MOXD1: variants seen among roughly 807,000 people sequenced by gnomAD.
The protein encoded by MOXD1 is DBH-like monooxygenase protein 1.
Under a neutral mutation model 66.6 loss-of-function variants are expected in MOXD1, and 62 were observed. That is an observed-to-expected ratio of 0.93 (90% CI 0.76 to 1.15). The LOEUF (loss-of-function observed/expected upper bound fraction) is 1.15. Among genes scored for constraint, MOXD1 ranks in the 50% most tolerant of loss-of-function variants. The probability of loss-of-function intolerance (pLI) is 0.00; values close to 1 mark genes in which losing one functional copy is unlikely to be tolerated. For synonymous variants in MOXD1, 303 were observed against 281.9 expected (o/e 1.07, Z -0.75); for missense variants, 847 against 754.6 (o/e 1.12, Z -1.44).
At chr6:132,315,949 A>C (rs1774941150) in intron 9 of MOXD1, among the ~76,000 whole-genome samples, 172 bp from the exon 10 acceptor site, 1 of 152,184 alleles carries the variant, frequency 6.6e-6, no homozygotes, top group Admixed American at 6.5e-5. Flanking sequence ...ATTAAAAATT[A>C]ATAGAATTAT....
At chr6:132,392,614 A>T (rs1366679345) in intron 1 of MOXD1, among the ~76,000 whole-genome samples, 1 of 152,192 alleles carries the variant, frequency 6.6e-6, no homozygotes, top group East Asian at 1.9e-4. Flanking sequence ...GGTTTTGAAA[A>T]GCCAGTGCAA....
chr6:132,342,350 A>G (rs1775581970), intron 4 of MOXD1, among the ~76,000 whole-genome samples: 1 of 152,258 alleles, frequency 6.6e-6, no homozygotes, highest in Non-Finnish European at 1.5e-5. Flanking sequence ...TGTGTCTAGC[A>G]CATAATTTGT....
At chr6:132,401,068 C>G (rs1582618534) in intron 1 of MOXD1, 95 bp downstream of exon 1, 1 of 1,343,252 alleles carries the variant, frequency 7.4e-7, no homozygotes, top group East Asian at 3.0e-5. Flanking sequence ...TGAGAGAGAG[C>G]TGCGGGCCCC....
intron 1 of MOXD1, among the ~76,000 whole-genome samples, chr6:132,378,827 A>T (rs1776447411): frequency 6.8e-6 from 1 of 146,586 alleles, no homozygotes; most frequent in South Asian, 2.2e-4. Flanking sequence ...GGTAATACCA[A>T]CTGTTCACAA....
chr6:132,328,640 C>A, intron 4 of MOXD1, 46 bp from the exon 5 acceptor site: 1 of 1,540,730 alleles, frequency 6.5e-7, no homozygotes. Context: ...ATAAGACCAC[C>A]CTACAACATC....
intron 4 of MOXD1, among the ~76,000 whole-genome samples, chr6:132,362,429 C>T (rs1776033731): frequency 6.6e-6 from 1 of 152,144 alleles, no homozygotes; most frequent in Admixed American, 6.5e-5. Flanking sequence ...GGTGCAGTCA[C>T]ATTAATTTTC....
chr6:132,355,807 A>AT (rs1775899578), intron 4 of MOXD1, among the ~76,000 whole-genome samples: 1 of 152,238 alleles, frequency 6.6e-6, no homozygotes, highest in Non-Finnish European at 1.5e-5. Context: ...TTTAAAGCTT[A>AT]TTTAAAGTTG....
At chr6:132,370,222 A>G (rs1453418528) in intron 4 of MOXD1, among the ~76,000 whole-genome samples, 6 of 152,094 alleles carry the variant, frequency 3.9e-5, no homozygotes. Context: ...TTATGGAAAG[A>G]ATATACACTT....
intron 10 of MOXD1, among the ~76,000 whole-genome samples, chr6:132,314,209 T>C (rs1297920386): frequency 6.6e-6 from 1 of 152,204 alleles, no homozygotes; most frequent in Non-Finnish European, 1.5e-5. Context: ...CTCTGCTCTA[T>C]CCCTCACTGC....
At chr6:132,352,957 AC>A (rs970945248) in intron 4 of MOXD1, among the ~76,000 whole-genome samples, 4 of 151,986 alleles carry the variant, frequency 2.6e-5, no homozygotes, top group African/African-American at 9.7e-5. Flanking sequence ...AAGAATAGCT[AC>A]CCCTGCTTGC....
At chr6:132,356,249 T>C (rs1159921615) in intron 4 of MOXD1, among the ~76,000 whole-genome samples, 2 of 152,062 alleles carry the variant, frequency 1.3e-5, no homozygotes, top group Admixed American at 6.6e-5. Flanking sequence ...TAAAAAGAAA[T>C]CGGTAAAGGG....
intron 1 of MOXD1, among the ~76,000 whole-genome samples, chr6:132,397,634 GACAGAAAGAAAGAAAGAAAGAA>G (rs1324976394): frequency 1.5e-4 from 17 of 115,684 alleles, no homozygotes; most frequent in Non-Finnish European, 2.1e-4. Flanking sequence ...GAGAGAGAGA[GACAGAAAGAAAGAAAGAAAGAA>G]AGAAAGAAAG....
At chr6:132,298,066 G>A in intron 10 of MOXD1, 111 bp from the exon 11 acceptor site, 1 of 873,578 alleles carries the variant, frequency 1.1e-6, no homozygotes, top group South Asian at 2.7e-5. Flanking sequence ...CATACACATA[G>A]ATAACCTAAT....
At chr6:132,301,228 G>T in intron 10 of MOXD1, among the ~76,000 whole-genome samples, 2 of 149,346 alleles carry the variant, frequency 1.3e-5, no homozygotes. Context: ...ATATATTACT[G>T]TAGTCAATAA....
At chr6:132,376,045 C>A (rs1776372505) in intron 1 of MOXD1, among the ~76,000 whole-genome samples, 1 of 152,120 alleles carries the variant, frequency 6.6e-6, no homozygotes, top group Non-Finnish European at 1.5e-5. Flanking sequence ...TTTTACCATT[C>A]GCCTACTCTG....
intron 1 of MOXD1, chr6:132,392,420 T>C (rs1395501388): frequency 2.0e-5 from 28 of 1,377,560 alleles, no homozygotes; most frequent in Non-Finnish European, 2.4e-5. Flanking sequence ...TGCTCTCTTC[T>C]CTAATTCACA....
intron 1 of MOXD1, among the ~76,000 whole-genome samples, chr6:132,379,190 A>G (rs913374636): frequency 4.6e-5 from 7 of 152,054 alleles, no homozygotes; most frequent in African/African-American, 1.7e-4. Context: ...TAGCATGATC[A>G]TGCAGAGTTG....
At chr6:132,344,612 C>T (rs1775633237) in intron 4 of MOXD1, among the ~76,000 whole-genome samples, 2 of 152,190 alleles carry the variant, frequency 1.3e-5, no homozygotes, top group African/African-American at 2.4e-5. Flanking sequence ...TTGATCCCCA[C>T]CCTTCACCTA....
At chr6:132,322,587 T>C (rs1479060228) in intron 8 of MOXD1, 92 bp downstream of exon 8, 9 of 1,287,114 alleles carry the variant, frequency 7.0e-6, no homozygotes, top group Middle Eastern at 2.2e-4. Flanking sequence ...CAAGGAAAAA[T>C]TCATTTCACT....
Sources: allele counts gnomAD v4.1 joint callset (sites outside exome capture counted in the v4.1 genomes callset), GRCh38; gene constraint gnomAD v4.1.1; transcripts MANE v1.5; gene names NCBI Gene and HGNC (gene_info 2026-07-23, HGNC 2026-07-21).